Variants in ASCC3 observed in about 807,000 individuals in gnomAD.
ASCC3 encodes activating signal cointegrator 1 complex subunit 3, also known as ASC-1 complex subunit P200.
In ASCC3, 158 loss-of-function variants were observed where a neutral mutation model predicts 256.3. The ratio of observed to expected loss-of-function variants is 0.62; its 90% confidence interval spans 0.54 to 0.70. The LOEUF is 0.70. Among genes scored for constraint, ASCC3 ranks in the 30% least tolerant of loss-of-function variants. The pLI, the probability that ASCC3 is intolerant of heterozygous loss-of-function variation, is 0.00. For synonymous variants in ASCC3, 948 were observed against 883.4 expected (o/e 1.07, Z -1.30); for missense variants, 2,259 against 2,626.0 (o/e 0.86, Z 3.05).
chr6:100,673,927 C>CT (rs1776881520), intron 14 of ASCC3, among the ~76,000 whole-genome samples: 1 of 152,232 alleles, frequency 6.6e-6, no homozygotes, highest in Admixed American at 6.5e-5. Flanking sequence ...CCTGTGTTCT[C>CT]TTTTTTCTCT....
intron 1 of ASCC3, among the ~76,000 whole-genome samples, chr6:100,878,788 T>C (rs1019596999): frequency 2.0e-5 from 3 of 152,168 alleles, no homozygotes; most frequent in Non-Finnish European, 4.4e-5. Context: ...ACGACAACCA[T>C]CAACACAGAA....
intron 4 of ASCC3, chr6:100,847,944 C>G: frequency 2.1e-6 from 1 of 485,762 alleles, no homozygotes; most frequent in Non-Finnish European, 3.6e-6. Flanking sequence ...TACTCCTCTG[C>G]TACACTCATT....
At chr6:100,830,005 T>C (rs1771543643) in intron 4 of ASCC3, among the ~76,000 whole-genome samples, 1 of 151,922 alleles carries the variant, frequency 6.6e-6, no homozygotes. Flanking sequence ...TACAACCAGA[T>C]GATTCACGTC....
intron 5 of ASCC3, among the ~76,000 whole-genome samples, chr6:100,801,136 T>A (rs889631592): frequency 6.6e-6 from 1 of 152,054 alleles, no homozygotes; most frequent in African/African-American, 2.4e-5. Context: ...CTAAGTACAC[T>A]TTAGGTCTGT....
At chr6:100,770,864 A>C (rs1236496258) in intron 8 of ASCC3, among the ~76,000 whole-genome samples, 1 of 149,832 alleles carries the variant, frequency 6.7e-6, no homozygotes, top group Non-Finnish European at 1.5e-5. Flanking sequence ...TTTTTCCCAA[A>C]CTCATCTACA....
intron 20 of ASCC3, among the ~76,000 whole-genome samples, chr6:100,650,003 G>C (rs1244485325): frequency 6.6e-6 from 1 of 151,450 alleles, no homozygotes; most frequent in Non-Finnish European, 1.5e-5. Flanking sequence ...TTTTCTTTCT[G>C]TCCTCAATGT....
intron 14 of ASCC3, among the ~76,000 whole-genome samples, chr6:100,674,155 A>C (rs1776893855): frequency 2.0e-5 from 3 of 152,016 alleles, no homozygotes. Flanking sequence ...TATTATCAAA[A>C]ATTTTTTTAA....
intron 29 of ASCC3, among the ~76,000 whole-genome samples, chr6:100,626,832 T>C (rs987821495): frequency 2.0e-5 from 3 of 152,106 alleles, no homozygotes; most frequent in African/African-American, 7.2e-5. Flanking sequence ...ATCTAATGGA[T>C]TTTTGCTGCT....
At chr6:100,795,414 A>G (rs1470345546) in intron 8 of ASCC3, among the ~76,000 whole-genome samples, 1 of 152,004 alleles carries the variant, frequency 6.6e-6, no homozygotes, top group East Asian at 1.9e-4. Flanking sequence ...AGAAAAAGAG[A>G]CAAAGAGGAG....
chr6:100,627,638 G>C lies in ASCC3; in HGVS notation c.4594C>G (p.Gln1532Glu). The C allele has an allele frequency of 6.2e-7, 1 of 1,613,602 alleles. No homozygotes were observed. Among genetic ancestry groups the C allele is most frequent in the Non-Finnish European group, 8.5e-7 (1 of 1,179,746 alleles). The change falls in exon 29 of 42, where the codon CAA becomes GAA. Residue 1532 changes from glutamine to glutamate, a missense_variant. This residue lies in a region of ASCC3 where 1,839 missense variants were observed against 2,206.7 expected (regional missense o/e 0.83). Transcript: ENST00000369162. ...CTAGCCATACGAGGACAGTAATGTT[G>C]ACCTGGAAAGCCTTGAATGTGAACT... ...LEVHIQGFPG[Q>E]HYCPRMASMN...
At chr6:100,833,939 G>A (rs920852828) in intron 4 of ASCC3, among the ~76,000 whole-genome samples, 6 of 152,098 alleles carry the variant, frequency 3.9e-5, no homozygotes, top group East Asian at 3.9e-4. Flanking sequence ...TTAGCCAGGC[G>A]TGGTGGTGCG....
At chr6:100,535,983 A>G (rs183891129) in intron 37 of ASCC3, among the ~76,000 whole-genome samples, 3 of 152,338 alleles carry the variant, frequency 2.0e-5, no homozygotes, top group Non-Finnish European at 4.4e-5. Flanking sequence ...CTTGAGAACA[A>G]TATTTAATGC....
At chr6:100,783,782 A>G (rs1318045224) in intron 8 of ASCC3, among the ~76,000 whole-genome samples, 1 of 152,214 alleles carries the variant, frequency 6.6e-6, no homozygotes, top group African/African-American at 2.4e-5. Flanking sequence ...ATAAGATAAT[A>G]TATTCCTTAT....
In ASCC3 at chr6:100,631,207, A is replaced by G. The variant is rs1229334372; in HGVS notation, c.4129T>C (p.Tyr1377His). 6.2e-7 allele frequency: 1 copy of G among 1,610,930 alleles called. No homozygotes were observed. Among genetic ancestry groups the G allele is most frequent in the African/African-American group, 1.3e-5 (1 of 74,836 alleles). ...ACTAGGGCTTTTAGGGGTGCAATAT[A>G]TACCGCCTAAAAAGGGGAGAATAGC... Reference protein sequence around the residue: ...FNKYPTSKAVYIAPLKALVRE... With the variant: ...FNKYPTSKAVHIAPLKALVRE... Residue 1377 changes from tyrosine to histidine, a missense_variant, in exon 26 of 42, where the codon TAT becomes CAT. Tyr to His is a moderately conservative substitution (Grantham distance 83). Around this residue, in one of 2 missense-constraint regions of ASCC3, gnomAD observed 1,839 missense variants for 2,206.7 expected, o/e 0.83. Coordinates refer to ENST00000369162, the MANE Select transcript of ASCC3 (RefSeq NM_006828.4).
chr6:100,554,763 T>C (rs2114691587), intron 36 of ASCC3, among the ~76,000 whole-genome samples: 1 of 152,264 alleles, frequency 6.6e-6, no homozygotes, highest in Admixed American at 6.5e-5. Flanking sequence ...TTTATAATAA[T>C]ATTTGAAAAA....
intron 32 of ASCC3, among the ~76,000 whole-genome samples, chr6:100,605,925 T>C (rs1582543079): frequency 6.6e-6 from 1 of 152,078 alleles, no homozygotes; most frequent in South Asian, 2.1e-4. Flanking sequence ...AAAAACTGAG[T>C]CTTTGAAAGG....
At chr6:100,740,847 A>G (rs1780402835) in intron 10 of ASCC3, among the ~76,000 whole-genome samples, 1 of 152,144 alleles carries the variant, frequency 6.6e-6, no homozygotes, top group Admixed American at 6.5e-5. Flanking sequence ...TTGGCTCTTT[A>G]TCCAGCTTGC....
chr6:100,831,260 T>C (rs1489403755), intron 4 of ASCC3, among the ~76,000 whole-genome samples: 1 of 151,600 alleles, frequency 6.6e-6, no homozygotes, highest in Non-Finnish European at 1.5e-5. Context: ...CTGAGAGAAC[T>C]GGTATTATCA....
At position 100,770,066 on chromosome 6, in the gene ASCC3, G is replaced by A. The variant is rs563523965; in HGVS notation, c.1396-2721C>T. Among the ~76,000 whole-genome samples the A allele has an allele frequency of 2.0e-5, 3 of 151,690 alleles. No homozygotes were observed. The East Asian group carries it at 5.8e-4, about 29-fold the overall frequency. ...AGTTTTAAACTATTTCAAAAAAAAT[G>A]TAAAAAAAGGAATACTCCCCAAATC... is the stretch of plus-strand genomic sequence containing the variant. On this transcript the variant is annotated intron_variant, in intron 8 of 41. Coordinates refer to ENST00000369162, the MANE Select transcript of ASCC3 (RefSeq NM_006828.4).
Sources: gnomAD v4.1 joint callset for allele counts (sites outside exome capture counted in the v4.1 genomes callset) on GRCh38, gnomAD v4.1.1 for gene constraint, gnomAD v4.1.1 regional missense constraint, MANE v1.5 for transcripts, NCBI Gene and HGNC (gene_info 2026-07-23, HGNC 2026-07-21) for gene names.